LRBA: variants seen among roughly 807,000 people sequenced by gnomAD.
LRBA encodes lipopolysaccharide-responsive and beige-like anchor protein.
A neutral mutation model predicts 330.0 loss-of-function variants in LRBA; 176 were observed. The ratio of observed to expected loss-of-function variants is 0.53; its 90% CI spans 0.47 to 0.60. LRBA has a LOEUF of 0.60. LRBA is among the 20% of genes least tolerant of loss of function. The pLI is 0.00. For synonymous variants in LRBA, 1,230 were observed against 1,193.0 expected, an observed-to-expected ratio of 1.03 and a Z score of -0.64; for missense variants, 3,259 against 3,444.8, an observed-to-expected ratio of 0.95 and a Z score of 1.35.
intron 49 of LRBA, 101 bp downstream of exon 49, chr4:150,325,708 C>G: frequency 2.5e-6 from 2 of 803,468 alleles, no homozygotes; most frequent in South Asian, 3.1e-5. Context: ...AAAACAAACC[C>G]ACATATGGTG....
rs1220104953 is a variant in LRBA at position 150,737,911 on chromosome 4, T to A, written c.5646-2545A>T. 3.3e-5 allele frequency among the ~76,000 whole-genome samples: 5 copies of A among 152,218 alleles called. No homozygotes were observed. In the East Asian group the frequency reaches 9.7e-4, roughly 29 times the overall value. ...AAATGTGCCCTTCATTACTTCACTT[T>A]TACCCTATTAAAATGGTATGTATAT... On this transcript the variant is annotated intron_variant, in intron 35 of 56. Coordinates refer to ENST00000651943, the MANE Select transcript of LRBA (RefSeq NM_001364905.1).
At chr4:150,908,244 A>G in intron 11 of LRBA, 90 bp downstream of exon 11, 1 of 1,335,218 alleles carries the variant, frequency 7.5e-7, no homozygotes. Context: ...ATTTTGACAC[A>G]ACAAAACCTG....
At chr4:150,422,600 A>C (rs1276675240) in intron 46 of LRBA, 1 of 560,232 alleles carries the variant, frequency 1.8e-6, no homozygotes, top group African/African-American at 1.9e-5. Flanking sequence ...CTTAGACATC[A>C]GGTTCCCCAA....
At position 151,014,479 on chromosome 4, in the gene LRBA, A is replaced by G. The variant is rs1173521721; in HGVS notation, c.164T>C (p.Val55Ala). ...CCTATTGGATACTTCTCCAACTTCA[A>G]CCAAACCGGTCAACACGGCAAATTT... ...RMKFAVLTGL[V>A]EVGEVSNRDI... The change falls in exon 2 of 57, where the codon GTT becomes GCT. Residue 55 changes from valine to alanine, a missense_variant. Coordinates refer to ENST00000651943, the MANE Select transcript of LRBA (RefSeq NM_001364905.1). The G allele has an allele frequency of 6.2e-7, 1 of 1,614,218 alleles. No homozygotes were observed. Among genetic ancestry groups the G allele is most frequent in the South Asian group, 1.1e-5 (1 of 91,086 alleles).
chr4:150,863,927 C>CTTTA (rs763890369), intron 22 of LRBA, among the ~76,000 whole-genome samples: 87 of 151,976 alleles, frequency 5.7e-4, no homozygotes, highest in African/African-American at 8.0e-4. Context: ...TCTCATGACA[C>CTTTA]TTTATTTATT....
chr4:150,976,030 C>G (rs1284916111), intron 2 of LRBA, among the ~76,000 whole-genome samples: 1 of 151,854 alleles, frequency 6.6e-6, no homozygotes, highest in African/African-American at 2.4e-5. Flanking sequence ...AAAAACTTAG[C>G]TGGGCGTGGC....
At chr4:150,859,764 C>A (rs1751668277) in intron 22 of LRBA, among the ~76,000 whole-genome samples, 1 of 152,184 alleles carries the variant, frequency 6.6e-6, no homozygotes, top group Non-Finnish European at 1.5e-5. Flanking sequence ...TGTAACTCTG[C>A]AAAAGCTATC....
At position 150,436,834 on chromosome 4, in the gene LRBA, C is replaced by T; in HGVS notation, c.6811G>A (p.Ala2271Thr). 6.2e-7 allele frequency: 1 copy of T among 1,613,762 alleles called. No individual in the cohort carries two copies. Among genetic ancestry groups the T allele is most frequent in the African/African-American group, 1.3e-5 (1 of 75,018 alleles). Reference protein sequence around the residue: ...PIGALNPKRAAFFAERYESWE... With the variant: ...PIGALNPKRATFFAERYESWE... ...GATTCATAACGCTCAGCGAAGAATG[C>T]TGCTCTTTTTGGGTTCAGAGCTCCT... The change falls in exon 45 of 57, where the codon GCA becomes ACA. Residue 2271 changes from alanine to threonine, a missense_variant. Physicochemically the swap from Ala to Thr is moderately conservative, Grantham distance 58 (BLOSUM62 0). Coordinates refer to ENST00000651943, the MANE Select transcript of LRBA (RefSeq NM_001364905.1).
At chr4:150,785,339 T>C (rs1469999744) in intron 34 of LRBA, among the ~76,000 whole-genome samples, 1 of 152,184 alleles carries the variant, frequency 6.6e-6, no homozygotes, top group Non-Finnish European at 1.5e-5. Flanking sequence ...AGTGATGTTA[T>C]TTTCGAGAGT....
intron 34 of LRBA, among the ~76,000 whole-genome samples, chr4:150,786,105 T>C (rs1275761679): frequency 6.6e-6 from 1 of 152,196 alleles, no homozygotes; most frequent in Non-Finnish European, 1.5e-5. Context: ...CTGAATTCTG[T>C]TAAGATGTAG....
At chr4:150,444,819 T>C (rs927848437) in intron 44 of LRBA, among the ~76,000 whole-genome samples, 6 of 152,218 alleles carry the variant, frequency 3.9e-5, no homozygotes, top group African/African-American at 1.4e-4. Context: ...ATGTAGAATC[T>C]AAATCATTTC....
chr4:150,355,614 G>A (rs1184357185), intron 47 of LRBA, among the ~76,000 whole-genome samples: 2 of 152,012 alleles, frequency 1.3e-5, no homozygotes, highest in Non-Finnish European at 2.9e-5. Flanking sequence ...GCTTCTAGAA[G>A]GCCCAAGGTA....
intron 40 of LRBA, among the ~76,000 whole-genome samples, chr4:150,557,411 T>C (rs1001673241): frequency 6.6e-6 from 1 of 151,930 alleles, no homozygotes; most frequent in Non-Finnish European, 1.5e-5. Context: ...ATAACCATCA[T>C]CACTGTAGAG....
intron 50 of LRBA, among the ~76,000 whole-genome samples, chr4:150,316,787 T>C (rs1183203112): frequency 1.3e-5 from 2 of 152,230 alleles, no homozygotes; most frequent in South Asian, 2.1e-4. Flanking sequence ...TGGAGATTTA[T>C]TGCAAAGCAA....
chr4:150,500,282 A>G (rs1760094443), intron 40 of LRBA, among the ~76,000 whole-genome samples: 1 of 151,778 alleles, frequency 6.6e-6, no homozygotes, highest in African/African-American at 2.4e-5. Context: ...AAAAAAAAAA[A>G]TCCCCCCTTG....
At chr4:150,564,268 C>T (rs1024911581) in intron 40 of LRBA, among the ~76,000 whole-genome samples, 2 of 151,974 alleles carry the variant, frequency 1.3e-5, no homozygotes, top group Non-Finnish European at 2.9e-5. Flanking sequence ...ACAAACCTGA[C>T]AAAAACAAGA....
chr4:150,711,015 CATAA>C (rs1424478510), intron 36 of LRBA, among the ~76,000 whole-genome samples: 2 of 151,690 alleles, frequency 1.3e-5, no homozygotes, highest in African/African-American at 4.8e-5. Flanking sequence ...GGAGCTATCT[CATAA>C]ATAAGTAACA....
intron 34 of LRBA, among the ~76,000 whole-genome samples, chr4:150,786,058 TC>T (rs1431342943): frequency 1.3e-5 from 2 of 152,194 alleles, no homozygotes; most frequent in Admixed American, 6.5e-5. Context: ...CTATGAGACC[TC>T]GTCTAGCTCC....
chr4:150,620,193 CAT>C (rs1163226299), intron 37 of LRBA, among the ~76,000 whole-genome samples: 1 of 151,892 alleles, frequency 6.6e-6, no homozygotes, highest in Non-Finnish European at 1.5e-5. Context: ...GGCCAACAAA[CAT>C]ATGAAAAAAT....
Sources: allele counts gnomAD v4.1 joint callset (sites outside exome capture counted in the v4.1 genomes callset), GRCh38; gene constraint gnomAD v4.1.1; transcripts MANE v1.5; gene names NCBI Gene and HGNC (gene_info 2026-07-23, HGNC 2026-07-21).